EPHA6: variants seen among roughly 807,000 people sequenced by gnomAD.
The protein encoded by EPHA6 is EPH receptor A6.
In EPHA6, 50 loss-of-function variants were observed where a neutral mutation model predicts 112.0. That is an observed-to-expected ratio of 0.45 (90% CI 0.36 to 0.56). The LOEUF is 0.56. Among genes scored for constraint, EPHA6 ranks in the 20% least tolerant of loss-of-function variants. The probability of loss-of-function intolerance (pLI) is 0.00; values close to 1 mark genes in which losing one functional copy is unlikely to be tolerated. For synonymous variants in EPHA6, 529 were observed against 490.7 expected (o/e 1.08, Z -1.03); for missense variants, 1,280 against 1,417.4 (o/e 0.90, Z 1.56).
At chr3:96,977,535 C>T (rs1205106615) in intron 2 of EPHA6, among the ~76,000 whole-genome samples, 1 of 152,128 alleles carries the variant, frequency 6.6e-6, no homozygotes, top group Admixed American at 6.6e-5. Context: ...AAAGATTTAT[C>T]ATTTAAAAAT....
intron 3 of EPHA6, among the ~76,000 whole-genome samples, chr3:97,187,633 A>G (rs1453827041): frequency 6.7e-6 from 1 of 148,970 alleles, no homozygotes; most frequent in African/African-American, 2.5e-5. Context: ...GAAAGGGAAG[A>G]AAGAAAAAGA....
chr3:96,953,969 C>G (rs1278107192), intron 2 of EPHA6, among the ~76,000 whole-genome samples: 1 of 151,940 alleles, frequency 6.6e-6, no homozygotes, highest in African/African-American at 2.4e-5. Context: ...GCCTGCTGCA[C>G]TTAAGGGATA....
At chr3:97,355,013 A>G (rs923612801) in intron 5 of EPHA6, among the ~76,000 whole-genome samples, 4 of 152,220 alleles carry the variant, frequency 2.6e-5, no homozygotes, top group African/African-American at 9.6e-5. Flanking sequence ...TAGTAAAAAT[A>G]TCCTTCAAAC....
rs1342268707 is a variant in EPHA6, at chr3:97,244,297, A to C, written c.1606+10A>C. On this transcript the variant is annotated intron_variant, in intron 5 of 17. Coordinates refer to ENST00000389672, the MANE Select transcript of EPHA6 (RefSeq NM_001080448.3). The stretch of plus-strand genomic sequence containing the variant: ...ACCACGGATCAAGATGGTAAGTTCC[A>C]CTGCTGTTCTCTCAAAACAGACCCA... 4 of 1,610,572 alleles carry C rather than the reference A, an allele frequency of 2.5e-6. No individual in the cohort carries two copies. The highest frequency in any genetic ancestry group is 3.4e-6 in the Non-Finnish European group (4 of 1,177,416).
At chr3:97,057,703 A>C (rs1302992975) in intron 3 of EPHA6, among the ~76,000 whole-genome samples, 2 of 152,220 alleles carry the variant, frequency 1.3e-5, no homozygotes, top group Non-Finnish European at 2.9e-5. Flanking sequence ...ATATACTCAT[A>C]ATATGTATAT....
chr3:97,447,499 T>G (rs1216202761), intron 6 of EPHA6, among the ~76,000 whole-genome samples: 1 of 152,170 alleles, frequency 6.6e-6, no homozygotes, highest in Non-Finnish European at 1.5e-5. Context: ...TAGCTTGACC[T>G]ATGACTTTTG....
In EPHA6 at chr3:97,187,690, AAAGAAAGAAAGAAAG is replaced by A. The variant is rs1421619793; in HGVS notation, c.1115-38571_1115-38557del. Among the ~76,000 whole-genome samples the A allele has an allele frequency of 1.9e-4, 12 of 63,002 alleles. No homozygotes were observed. In the East Asian group the frequency reaches 2.3e-3, roughly 12 times the overall value. The allele number at this position is 63,002 out of a possible 152,430, so 41.3% of individuals were successfully genotyped here. On this transcript the variant is annotated intron_variant, in intron 3 of 17. Coordinates refer to ENST00000389672, the MANE Select transcript of EPHA6 (RefSeq NM_001080448.3). ...AAGAAAGAAAGAGAAAGAAAGAAGG[AAAGAAAGAAAGAAAG>A]AAAGAAAGAAAGAAAGAAAGAAAGA...
intron 3 of EPHA6, among the ~76,000 whole-genome samples, chr3:97,100,669 G>A (rs2047378316): frequency 6.6e-6 from 1 of 151,838 alleles, no homozygotes; most frequent in Non-Finnish European, 1.5e-5. Context: ...ATAACTGAAG[G>A]TACGTGTTCC....
intron 2 of EPHA6, among the ~76,000 whole-genome samples, chr3:96,972,988 A>G (rs970141675): frequency 1.3e-5 from 2 of 152,162 alleles, no homozygotes; most frequent in African/African-American, 4.8e-5. Flanking sequence ...TTGCCTAGAA[A>G]GGCTGTTTGA....
rs370453077 is a variant in EPHA6, at chr3:97,087,336, C to T, written c.1114+99343C>T. Among the ~76,000 whole-genome samples the T allele has an allele frequency of 1.8e-4, 28 of 152,074 alleles. No homozygotes were observed. The East Asian group carries it at 1.9e-3, about 11-fold the overall frequency. On this transcript the variant is annotated intron_variant, in intron 3 of 17. Transcript: ENST00000389672. ...CAAGACTGAACCTCAAGTTCAGTAC[C>T]TTTGGAAGAGCAGCAAGGGTCCCAT...
chr3:97,050,276 G>T (rs1322335057), intron 3 of EPHA6, among the ~76,000 whole-genome samples: 2 of 152,080 alleles, frequency 1.3e-5, no homozygotes, highest in Non-Finnish European at 2.9e-5. Context: ...ACAGCAAATT[G>T]TGCCCAAGAA....
chr3:97,229,133 T>C (rs921426817), intron 4 of EPHA6, among the ~76,000 whole-genome samples: 27 of 152,144 alleles, frequency 1.8e-4, no homozygotes, highest in African/African-American at 6.5e-4. Context: ...GTTGGATGCA[T>C]AGTTTGCAAA....
chr3:97,395,902 G>A (rs1020562160), intron 5 of EPHA6, among the ~76,000 whole-genome samples: 15 of 151,568 alleles, frequency 9.9e-5, no homozygotes, highest in African/African-American at 3.6e-4. Flanking sequence ...AGGGAAGGTG[G>A]AAGAGTTAAT....
At chr3:97,228,767 T>C (rs2078436504) in intron 4 of EPHA6, among the ~76,000 whole-genome samples, 1 of 152,162 alleles carries the variant, frequency 6.6e-6, no homozygotes, top group Admixed American at 6.5e-5. Context: ...CAAATGATAG[T>C]TCTCCTTTTA....
At chr3:96,924,805 T>A (rs1204636765) in intron 2 of EPHA6, among the ~76,000 whole-genome samples, 1 of 152,120 alleles carries the variant, frequency 6.6e-6, no homozygotes, top group East Asian at 1.9e-4. Context: ...TTGCAATATG[T>A]TCGTTTAATA....
chr3:97,100,002 A>G (rs1289574144), intron 3 of EPHA6, among the ~76,000 whole-genome samples: 2 of 151,970 alleles, frequency 1.3e-5, no homozygotes, highest in Non-Finnish European at 2.9e-5. Flanking sequence ...TGTCTCCACC[A>G]TGTGTATGTG....
intron 3 of EPHA6, among the ~76,000 whole-genome samples, chr3:97,053,293 G>T (rs2045744625): frequency 6.6e-6 from 1 of 152,056 alleles, no homozygotes; most frequent in Non-Finnish European, 1.5e-5. Context: ...TACTCACAGG[G>T]TTAGTCTGGT....
intron 11 of EPHA6, among the ~76,000 whole-genome samples, chr3:97,581,121 T>G (rs2093433677): frequency 6.6e-6 from 1 of 152,176 alleles, no homozygotes; most frequent in Admixed American, 6.5e-5. Flanking sequence ...GTCTGTCTCT[T>G]AAATACATAA....
chr3:97,292,375 G>T (rs1482892645), intron 5 of EPHA6, among the ~76,000 whole-genome samples: 2 of 152,236 alleles, frequency 1.3e-5, no homozygotes, highest in Admixed American at 1.3e-4. Context: ...TTTCCGTCCT[G>T]CCATTTTGCG....
Sources: gnomAD v4.1 joint callset for allele counts (sites outside exome capture counted in the v4.1 genomes callset) on GRCh38, gnomAD v4.1.1 for gene constraint, MANE v1.5 for transcripts, NCBI Gene and HGNC (gene_info 2026-07-23, HGNC 2026-07-21) for gene names.